CLIC5: variants seen among roughly 807,000 people sequenced by gnomAD.
The protein encoded by CLIC5 is CLIC family member 5, also known as chloride intracellular channel protein 5.
CLIC5 carries 20 observed loss-of-function variants against 24.7 expected under a neutral mutation model. That is an observed-to-expected ratio of 0.81 (90% CI 0.57 to 1.18). The LOEUF (loss-of-function observed/expected upper bound fraction) is 1.18, where lower values mean the gene tolerates loss of function less well. Among genes scored for constraint, CLIC5 ranks in the 50% most tolerant of loss-of-function variants. CLIC5 has a pLI of 0.00. For synonymous variants in CLIC5, 159 were observed against 135.6 expected, an observed-to-expected ratio of 1.17 and a Z score of -1.20; for missense variants, 341 against 326.1, an observed-to-expected ratio of 1.05 and a Z score of -0.35.
intron 1 of CLIC5, among the ~76,000 whole-genome samples, chr6:46,000,913 C>T (rs975235767): frequency 6.6e-6 from 1 of 152,196 alleles, no homozygotes; most frequent in African/African-American, 2.4e-5. Context: ...TGACCATCCC[C>T]CATGTCACAA....
At chr6:45,919,528 C>T (rs926663883) in intron 4 of CLIC5, among the ~76,000 whole-genome samples, 4 of 152,096 alleles carry the variant, frequency 2.6e-5, no homozygotes, top group Non-Finnish European at 4.4e-5. Flanking sequence ...CCCCAACTCC[C>T]CTGTGCTAGG....
the CLIC5 span, among the ~76,000 whole-genome samples, chr6:46,104,182 A>C: frequency 6.6e-6 from 1 of 151,902 alleles, no homozygotes; most frequent in Admixed American, 6.6e-5. Context: ...CAGAAATAAT[A>C]TTTTCCTATG....
intron 1 of CLIC5, among the ~76,000 whole-genome samples, chr6:46,056,432 C>T (rs1768257249): frequency 6.6e-6 from 1 of 152,154 alleles, no homozygotes; most frequent in South Asian, 2.1e-4. Flanking sequence ...CCAGAACCAT[C>T]TCCACCACTG....
chr6:46,107,603 G>A, the CLIC5 span, among the ~76,000 whole-genome samples: 1 of 152,174 alleles, frequency 6.6e-6, no homozygotes, highest in Non-Finnish European at 1.5e-5. Flanking sequence ...CATAAGAAAA[G>A]TAGGAAGTAT....
intron 1 of CLIC5, among the ~76,000 whole-genome samples, chr6:46,033,311 A>C (rs890548312): frequency 4.8e-4 from 72 of 149,426 alleles, no homozygotes; most frequent in Admixed American, 1.4e-3. Context: ...TTTTTTTTTA[A>C]GATGTATGCA....
intron 3 of CLIC5, among the ~76,000 whole-genome samples, chr6:45,942,586 G>C (rs576596122): frequency 2.0e-5 from 3 of 152,316 alleles, no homozygotes; most frequent in African/African-American, 7.2e-5. Context: ...GTGATCTCTG[G>C]GTGAATCGTT....
At chr6:45,970,269 G>T (rs1410137831) in intron 1 of CLIC5, among the ~76,000 whole-genome samples, 1 of 151,398 alleles carries the variant, frequency 6.6e-6, no homozygotes, top group Non-Finnish European at 1.5e-5. Context: ...TATATCTTCT[G>T]CTTTAGAAGG....
intron 5 of CLIC5, chr6:45,911,504 G>A (rs570555865): frequency 2.9e-6 from 2 of 682,886 alleles, no homozygotes; most frequent in East Asian, 1.4e-4. Context: ...CAGGAGTGGT[G>A]GCCTGACCAA....
chr6:46,123,535 C>T, the CLIC5 span, among the ~76,000 whole-genome samples: 52 of 152,284 alleles, frequency 3.4e-4, no homozygotes, highest in African/African-American at 1.3e-3. Flanking sequence ...GACAGGGATG[C>T]CCTCTCTCAC....
At chr6:45,988,786 C>A (rs1053695591) in intron 1 of CLIC5, among the ~76,000 whole-genome samples, 6 of 152,206 alleles carry the variant, frequency 3.9e-5, no homozygotes, top group Non-Finnish European at 8.8e-5. Flanking sequence ...GTGGTGCTGG[C>A]CCAGCCAATA....
At chr6:46,113,909 G>A in the CLIC5 span, among the ~76,000 whole-genome samples, 1 of 152,180 alleles carries the variant, frequency 6.6e-6, no homozygotes, top group Non-Finnish European at 1.5e-5. Flanking sequence ...GTCCCTCAGA[G>A]GAAACCCACT....
chr6:46,111,181 C>CCTTT, the CLIC5 span, among the ~76,000 whole-genome samples: 1 of 143,142 alleles, frequency 7.0e-6, no homozygotes, highest in East Asian at 2.0e-4. Context: ...CAAACCTGTC[C>CCTTT]TTTTTTTTTT....
intron 1 of CLIC5, among the ~76,000 whole-genome samples, chr6:46,054,260 G>T (rs1768185079): frequency 6.6e-6 from 1 of 152,054 alleles, no homozygotes. Context: ...TCTGCTCCAA[G>T]GCAATGAGAA....
chr6:46,038,170 T>A (rs1030579447), intron 1 of CLIC5, among the ~76,000 whole-genome samples: 3 of 152,212 alleles, frequency 2.0e-5, no homozygotes, highest in Non-Finnish European at 4.4e-5. Flanking sequence ...TATGCCTTCA[T>A]TTTTTCCTTT....
chr6:46,079,596 C>A, intron 1 of CLIC5: 1 of 949,730 alleles, frequency 1.1e-6, no homozygotes, highest in Non-Finnish European at 1.6e-6. Flanking sequence ...GTATTGAGAT[C>A]CAAGGACCAT....
chr6:46,062,827 A>C (rs1762325975), intron 1 of CLIC5, among the ~76,000 whole-genome samples: 1 of 152,206 alleles, frequency 6.6e-6, no homozygotes, highest in South Asian at 2.1e-4. Context: ...TTTTGGCAAC[A>C]ATAAATTCCA....
upstream of CLIC5, chr6:46,018,629 A>G (rs1264573016): frequency 6.6e-6 from 1 of 152,246 alleles, no homozygotes; most frequent in Non-Finnish European, 1.5e-5. Context: ...GTTAGAGTCA[A>G]TTCTAGCTTT....
intron 4 of CLIC5, among the ~76,000 whole-genome samples, chr6:45,933,553 G>C (rs1427042248): frequency 6.6e-6 from 1 of 152,220 alleles, no homozygotes; most frequent in African/African-American, 2.4e-5. Flanking sequence ...GCTTTCTTTC[G>C]GAAGTTAGAA....
At chr6:45,982,258 T>TG (rs1413899174) in intron 1 of CLIC5, among the ~76,000 whole-genome samples, 1 of 152,110 alleles carries the variant, frequency 6.6e-6, no homozygotes, top group Non-Finnish European at 1.5e-5. Context: ...TTGGGTCACC[T>TG]GGGGCCTGTC....
Sources: gnomAD v4.1 joint callset for allele counts (sites outside exome capture counted in the v4.1 genomes callset) on GRCh38, gnomAD v4.1.1 for gene constraint, MANE v1.5 for transcripts, NCBI Gene and HGNC (gene_info 2026-07-23, HGNC 2026-07-21) for gene names.